Variants in BMPR1A observed in about 807,000 individuals in gnomAD.
BMPR1A encodes bone morphogenetic protein receptor type 1A.
Under a neutral mutation model 66.0 loss-of-function variants are expected in BMPR1A, and 7 were observed. The observed-to-expected ratio is 0.11, with a 90% CI of 0.06 to 0.20. BMPR1A has a LOEUF of 0.20. Among genes scored for constraint, BMPR1A ranks in the 10% least tolerant of loss-of-function variants. The pLI, the probability that BMPR1A is intolerant of heterozygous loss-of-function variation, is 1.00. For synonymous variants in BMPR1A, 200 were observed against 229.7 expected (o/e 0.87, Z 1.17); for missense variants, 408 against 669.1 (o/e 0.61, Z 4.31).
chr10:86,889,492 A>C (rs1301643221), intron 3 of BMPR1A: 1 of 152,790 alleles, frequency 6.5e-6, no homozygotes, highest in Admixed American at 6.5e-5. Flanking sequence ...ACTTGTCTCT[A>C]TTTAATGATT....
chr10:86,858,154 CTG>C (rs1237169736), intron 2 of BMPR1A, among the ~76,000 whole-genome samples: 1 of 152,136 alleles, frequency 6.6e-6, no homozygotes, highest in Non-Finnish European at 1.5e-5. Flanking sequence ...GAGAAAAACT[CTG>C]TGCTCATATC....
chr10:86,769,522 C>A (rs1316248152), intron 1 of BMPR1A, among the ~76,000 whole-genome samples: 1 of 152,216 alleles, frequency 6.6e-6, no homozygotes, highest in African/African-American at 2.4e-5. Flanking sequence ...GTCAAAGACT[C>A]CACATGCTAA....
At chr10:86,903,020 G>A (rs1843333802) in intron 7 of BMPR1A, among the ~76,000 whole-genome samples, 1 of 152,086 alleles carries the variant, frequency 6.6e-6, no homozygotes, top group African/African-American at 2.4e-5. Flanking sequence ...CATGGCTCTG[G>A]TCTCACCCTA....
At chr10:86,929,331 C>T (rs1315180056), downstream of BMPR1A, 2 of 152,144 alleles carry the variant, frequency 1.3e-5, no homozygotes, top group East Asian at 3.8e-4. Context: ...GATGCATTTA[C>T]CTGGCCTTAA....
chr10:86,823,243 C>A (rs950339283), intron 1 of BMPR1A, among the ~76,000 whole-genome samples: 3 of 152,216 alleles, frequency 2.0e-5, no homozygotes, highest in African/African-American at 7.2e-5. Flanking sequence ...GTATAAACTT[C>A]TAATTACTCT....
chr10:86,779,565 T>C (rs1402785198), intron 1 of BMPR1A, among the ~76,000 whole-genome samples: 3 of 152,122 alleles, frequency 2.0e-5, no homozygotes, highest in Non-Finnish European at 2.9e-5. Flanking sequence ...AGAGTTGTGG[T>C]TTTGATTTGC....
chr10:86,765,587 A>G (rs1841149594), intron 1 of BMPR1A, among the ~76,000 whole-genome samples: 1 of 151,908 alleles, frequency 6.6e-6, no homozygotes, highest in Admixed American at 6.6e-5. Flanking sequence ...TTATTTGAAG[A>G]TAATCTTTTG....
chr10:86,907,112 A>G (rs560270606), intron 7 of BMPR1A, among the ~76,000 whole-genome samples: 2 of 152,168 alleles, frequency 1.3e-5, no homozygotes, highest in African/African-American at 2.4e-5. Flanking sequence ...CCTTTTAATC[A>G]CAGTTCTGTG....
intron 3 of BMPR1A, among the ~76,000 whole-genome samples, chr10:86,880,903 G>GA (rs922650598): frequency 3.3e-5 from 5 of 152,164 alleles, no homozygotes; most frequent in African/African-American, 1.2e-4. Context: ...TAACACTTAA[G>GA]AAAAAAACTA....
intron 2 of BMPR1A, among the ~76,000 whole-genome samples, chr10:86,846,703 G>A (rs958744454): frequency 7.2e-5 from 11 of 151,784 alleles, no homozygotes; most frequent in South Asian, 2.1e-4. Context: ...TCTGTCCCCC[G>A]CCGCCCACAC....
At chr10:86,845,793 C>A (rs1014402510) in intron 2 of BMPR1A, among the ~76,000 whole-genome samples, 1 of 151,930 alleles carries the variant, frequency 6.6e-6, no homozygotes, top group Non-Finnish European at 1.5e-5. Context: ...GTCAGGAGAT[C>A]GAGACCATCC....
At chr10:86,803,335 A>G (rs1254163036) in intron 1 of BMPR1A, among the ~76,000 whole-genome samples, 1 of 133,566 alleles carries the variant, frequency 7.5e-6, no homozygotes, top group Admixed American at 7.7e-5. Context: ...TGGCTTCCAC[A>G]GTGTTGGAAT....
At chr10:86,771,126 A>G (rs1841252481) in intron 1 of BMPR1A, among the ~76,000 whole-genome samples, 1 of 152,238 alleles carries the variant, frequency 6.6e-6, no homozygotes, top group South Asian at 2.1e-4. Flanking sequence ...TAAGCTGTAT[A>G]TTATATGATA....
intron 2 of BMPR1A, among the ~76,000 whole-genome samples, chr10:86,846,282 A>G (rs1331157866): frequency 6.6e-6 from 1 of 152,122 alleles, no homozygotes; most frequent in Non-Finnish European, 1.5e-5. Flanking sequence ...TGTTGGGCCT[A>G]TGTAGAGCCT....
intron 1 of BMPR1A, among the ~76,000 whole-genome samples, chr10:86,791,355 GGCACGTGCCACCAT>G (rs1403306740): frequency 6.6e-6 from 1 of 151,898 alleles, no homozygotes; most frequent in Non-Finnish European, 1.5e-5. Context: ...TGGGACTACA[GGCACGTGCCACCAT>G]GCCTGGCTAA....
rs112603659 is a variant in BMPR1A at position 86,923,625 on chromosome 10, A to G, written c.1505A>G (p.Glu502Gly). ...CLRAVLKLMSECWAHNPASRL... is the reference protein window; with the variant it reads ...CLRAVLKLMSGCWAHNPASRL... ...CGAGCAGTTTTGAAGCTAATGTCAGAATGCTGGGCCCACAATCCAGCCTCC... is the reference window on the plus strand; with the variant it reads ...CGAGCAGTTTTGAAGCTAATGTCAGGATGCTGGGCCCACAATCCAGCCTCC... Residue 502 changes from glutamate to glycine, a missense_variant, in exon 13 of 13, where the codon GAA becomes GGA. Physicochemically the swap from Glu to Gly is moderately conservative, Grantham distance 98. Around this residue, in one of 5 missense-constraint regions of BMPR1A, gnomAD observed 130 missense variants for 257.3 expected, o/e 0.51. Coordinates refer to ENST00000372037, the MANE Select transcript of BMPR1A (RefSeq NM_004329.3). The G allele has an allele frequency of 6.2e-7, 1 of 1,614,236 alleles. No individual in the cohort carries two copies. Among genetic ancestry groups the G allele is most frequent in the Non-Finnish European group, 8.5e-7 (1 of 1,180,038 alleles).
At chr10:86,878,811 T>G (rs1427023845) in intron 3 of BMPR1A, among the ~76,000 whole-genome samples, 1 of 152,208 alleles carries the variant, frequency 6.6e-6, no homozygotes, top group Admixed American at 6.5e-5. Flanking sequence ...ATTGTCTTAA[T>G]CTATATCCAT....
chr10:86,799,469 T>TCTTCCTTCCTTTCTTCCTTC (rs1841775733), intron 1 of BMPR1A, among the ~76,000 whole-genome samples: 5 of 120,900 alleles, frequency 4.1e-5, no homozygotes, highest in African/African-American at 1.2e-4. Context: ...TTCCTTCCTT[T>TCTTCCTTCCTTTCTTCCTTC]CTTCCTTCCT....
chr10:86,809,561 G>A (rs546773168), intron 1 of BMPR1A, among the ~76,000 whole-genome samples: 45 of 151,116 alleles, frequency 3.0e-4, no homozygotes, highest in Admixed American at 5.3e-4. Context: ...TCCAAAGTCC[G>A]GGGATTACAG....
Sources: gnomAD v4.1 joint callset for allele counts (sites outside exome capture counted in the v4.1 genomes callset) on GRCh38, gnomAD v4.1.1 for gene constraint, gnomAD v4.1.1 regional missense constraint, MANE v1.5 for transcripts, NCBI Gene and HGNC (gene_info 2026-07-23, HGNC 2026-07-21) for gene names.